Variants in ANAPC7 observed in about 807,000 individuals in gnomAD.
The protein encoded by ANAPC7 is anaphase-promoting complex subunit 7.
A neutral mutation model predicts 63.3 loss-of-function variants in ANAPC7; 25 were observed. The observed-to-expected ratio is 0.39, with a 90% CI of 0.29 to 0.55. ANAPC7 has a LOEUF of 0.55. ANAPC7 is among the 20% of genes least tolerant of loss of function. The pLI, the probability that ANAPC7 is intolerant of heterozygous loss-of-function variation, is 0.57. For synonymous variants in ANAPC7, 241 were observed against 251.7 expected, an observed-to-expected ratio of 0.96 and a Z score of 0.40; for missense variants, 516 against 691.7, an observed-to-expected ratio of 0.75 and a Z score of 2.85.
intron 2 of ANAPC7, 86 bp from the exon 3 acceptor site, chr12:110,395,306 G>T: frequency 7.5e-7 from 1 of 1,325,002 alleles, no homozygotes; most frequent in Non-Finnish European, 1.0e-6. Flanking sequence ...GTTATCATAT[G>T]ACCCAGCAAT....
chr12:110,387,383 CAGAGAGAGAGAGAGAG>C (rs1252832527), intron 5 of ANAPC7: 7 of 13,690 alleles, frequency 5.1e-4, no homozygotes, highest in Non-Finnish European at 6.4e-4. Context: ...GAGAGAGAGA[CAGAGAGAGAGAGAGAG>C]AGAGAGAGAG....
chr12:110,381,782 G>C lies in ANAPC7; in HGVS notation c.1102C>G (p.Leu368Val). Residue 368 changes from leucine to valine, a missense_variant, in exon 8 of 11, where the codon CTC (leucine) becomes GTC (valine). This residue lies in a region of ANAPC7 where 199 missense variants were observed against 249.3 expected (regional missense o/e 0.80). Transcript: ENST00000455511. ...TAACAATCTAAGCGACAAGGTGCGA[G>C]CCGTATGGCCTCCCGAAAGTGGATT... ...AIIHFREAIR[L>V]APCRLDCYEG... 11 of 1,613,772 alleles carry C rather than the reference G, an allele frequency of 6.8e-6. No individual in the cohort carries two copies. The highest frequency in any genetic ancestry group is 9.3e-6 in the Non-Finnish European group (11 of 1,180,020).
intron 5 of ANAPC7, 123 bp from the exon 6 acceptor site, chr12:110,386,592 TAAA>T (rs1882475939): frequency 5.2e-6 from 5 of 959,898 alleles, no homozygotes; most frequent in Middle Eastern, 3.4e-4. Context: ...TTCTTCGTAA[TAAA>T]AAACTTTAAG....
chr12:110,374,321 A>T lies in ANAPC7; in HGVS notation c.1521T>A (p.Asn507Lys). Residue 507 changes from asparagine to lysine, a missense_variant, in exon 11 of 11, where the codon AAT (asparagine) becomes AAA (lysine). Transcript: ENST00000455511. ...QYSIALSLDP[N>K]DQKSLEGMQK... ...GCATCCCCTCTAGAGACTTCTGGTC[A>T]TTGGGGTCCAAACTAGGGGACAACA... 1 of 1,613,930 alleles carries T rather than the reference A, an allele frequency of 6.2e-7. No homozygotes were observed. The highest frequency in any genetic ancestry group is 8.5e-7 in the Non-Finnish European group (1 of 1,179,936).
chr12:110,382,464 ATATAT>A (rs1882010144), intron 7 of ANAPC7, among the ~76,000 whole-genome samples: 2 of 80,646 alleles, frequency 2.5e-5, no homozygotes, highest in South Asian at 4.8e-4. Context: ...AAAAAAAAAT[ATATAT>A]ATATATATAT....
At position 110,374,189 on chromosome 12, in the gene ANAPC7, C is replaced by G; in HGVS notation, c.1653G>C (p.Glu551Asp). 1 of 1,613,794 alleles carries G rather than the reference C, an allele frequency of 6.2e-7. No individual in the cohort carries two copies. The highest frequency in any genetic ancestry group is 8.5e-7 in the Non-Finnish European group (1 of 1,180,026). Residue 551 changes from glutamate (E) to aspartate (D), a missense_variant, in exon 11 of 11, where the codon GAG (glutamate) becomes GAC (aspartate). Coordinates refer to ENST00000455511, the MANE Select transcript of ANAPC7 (RefSeq NM_016238.3). ...EEGDLEGSDS[E>D]AAQWADQEQW... ...GCTCCTGGTCAGCCCACTGGGCCGC[C>G]TCACTGTCGCTGCCCTCCAGGTCCC...
At chr12:110,392,477 T>A (rs906301806) in intron 3 of ANAPC7, among the ~76,000 whole-genome samples, 3 of 152,188 alleles carry the variant, frequency 2.0e-5, no homozygotes, top group Non-Finnish European at 4.4e-5. Context: ...AGATTTCGTA[T>A]CTTTTAAAGG....
chr12:110,380,393 C>T (rs192603745), intron 8 of ANAPC7, among the ~76,000 whole-genome samples: 2 of 151,032 alleles, frequency 1.3e-5, no homozygotes, highest in East Asian at 3.9e-4. Context: ...TGGCTCATGC[C>T]TGTAATCCCA....
Position 110,382,639 on chromosome 12 carries a change from G to C in ANAPC7, c.935+204C>G, listed in dbSNP as rs1430790294. On this transcript the variant is annotated intron_variant, in intron 7 of 10. Coordinates refer to ENST00000455511, the MANE Select transcript of ANAPC7 (RefSeq NM_016238.3). ...ACCTGGAGTGCAGTGGCACGATCTT[G>C]GCTCACTGCAACCTCTGCCTCCTGG... is the stretch of plus-strand genomic sequence containing the variant. Among the ~76,000 whole-genome samples the C allele has an allele frequency of 2.0e-5, 3 of 151,184 alleles. No individual in the cohort carries two copies. In the East Asian group the frequency reaches 5.8e-4, roughly 29 times the overall value.
At chr12:110,382,032 A>G (rs938444673) in intron 7 of ANAPC7, 84 bp from the exon 8 acceptor site, 3 of 1,289,954 alleles carry the variant, frequency 2.3e-6, no homozygotes, top group Non-Finnish European at 3.1e-6. Context: ...TCCAAAAATC[A>G]TATTGAAGGC....
intron 7 of ANAPC7, among the ~76,000 whole-genome samples, chr12:110,382,440 TTAAAAAAAA>T (rs1164820385): frequency 1.1e-3 from 29 of 26,758 alleles, no homozygotes; most frequent in African/African-American, 5.1e-3. Flanking sequence ...GATTATCCTT[TTAAAAAAAA>T]AAAAAAAAAA....
At chr12:110,393,804 T>G (rs2137974940) in intron 3 of ANAPC7, among the ~76,000 whole-genome samples, 2 of 146,840 alleles carry the variant, frequency 1.4e-5, no homozygotes, top group Admixed American at 1.4e-4. Context: ...GAGGCAGAGG[T>G]TGCAGTGAGC....
chr12:110,390,074 A>AT lies in ANAPC7; in HGVS notation c.409-1452dup, dbSNP rs1027414630. Among the ~76,000 whole-genome samples the AT allele has an allele frequency of 3.1e-3, 457 of 148,660 alleles. 1 individual carries two copies. The highest frequency in any genetic ancestry group is 4.8e-3 in the Non-Finnish European group (319 of 66,822). On this transcript the variant is annotated intron_variant, in intron 3 of 10. Coordinates refer to ENST00000455511, the MANE Select transcript of ANAPC7 (RefSeq NM_016238.3). ...ACACAATATTCCAATTTAAAATTAGATTTTTTTTTTTGAGACGGAGTTTCA... is the reference window on the plus strand; with the variant it reads ...ACACAATATTCCAATTTAAAATTAGATTTTTTTTTTTTGAGACGGAGTTTCA...
At chr12:110,400,770 G>C (rs147146618) in intron 1 of ANAPC7, among the ~76,000 whole-genome samples, 206 of 152,108 alleles carry the variant, frequency 1.4e-3, no homozygotes, top group African/African-American at 4.4e-3. Flanking sequence ...ATGAGGCTGG[G>C]CTCGGTGGCT....
rs201940515 is a variant in ANAPC7 at position 110,395,160 on chromosome 12, G to A, written c.349C>T (p.Gln117Ter). 2.5e-6 allele frequency: 4 copies of A among 1,613,628 alleles called. No individual in the cohort carries two copies. Among genetic ancestry groups the A allele is most frequent in the Non-Finnish European group, 3.4e-6 (4 of 1,179,668 alleles). Residue 117 changes from glutamine (Q) to a stop codon, truncating the protein, a stop_gained, in exon 3 of 11, where the codon CAA (glutamine) becomes TAA (stop). Transcript: ENST00000455511. LOFTEE classifies it high-confidence loss of function. The stretch of plus-strand genomic sequence containing the variant: ...AGTATAGCAATGGCATCTTTATCTT[G>A]TTTTAGCATTGTATAACATTCAGCC... ...KMAECYTMLKQDKDAIAILDG... is the reference protein window; with the variant it reads ...KMAECYTMLK
At chr12:110,384,052 A>G (rs1341431032) in intron 6 of ANAPC7, among the ~76,000 whole-genome samples, 1 of 150,866 alleles carries the variant, frequency 6.6e-6, no homozygotes, top group Non-Finnish European at 1.5e-5. Context: ...AATACAAAAA[A>G]TTAGCCAGGC....
At chr12:110,395,883 G>A (rs547321372) in intron 2 of ANAPC7, among the ~76,000 whole-genome samples, 12 of 152,238 alleles carry the variant, frequency 7.9e-5, no homozygotes, top group Admixed American at 7.9e-4. Context: ...CTAAATCAGC[G>A]GTCCCCAACC....
At position 110,381,763 on chromosome 12, in the gene ANAPC7, T is replaced by C; in HGVS notation, c.1121A>G (p.Asp374Gly). ...GTTTTCTTTCTTACCTTCATAACAA[T>C]CTAAGCGACAAGGTGCGAGCCGTAT... ...EAIRLAPCRL[D>G]CYEGLIECYL... is the part of the protein sequence containing the mutation. The change falls in exon 8 of 11, where the codon GAT becomes GGT. Residue 374 changes from aspartate (D) to glycine (G), a missense_variant. Asp to Gly is a moderately conservative substitution (Grantham distance 94). This residue lies in a region of ANAPC7 where 199 missense variants were observed against 249.3 expected (regional missense o/e 0.80). Coordinates refer to ENST00000455511, the MANE Select transcript of ANAPC7 (RefSeq NM_016238.3). 1.9e-6 allele frequency: 3 copies of C among 1,613,328 alleles called. No homozygotes were observed. Among genetic ancestry groups the C allele is most frequent in the Non-Finnish European group, 2.5e-6 (3 of 1,179,966 alleles).
chr12:110,385,065 A>T (rs1311383819), intron 6 of ANAPC7, among the ~76,000 whole-genome samples: 1 of 152,154 alleles, frequency 6.6e-6, no homozygotes, highest in Non-Finnish European at 1.5e-5. Context: ...GGAGTTGCAG[A>T]CCAGCCTGGC....
Sources: gnomAD v4.1 joint callset for allele counts (sites outside exome capture counted in the v4.1 genomes callset) on GRCh38, gnomAD v4.1.1 for gene constraint, gnomAD v4.1.1 regional missense constraint, MANE v1.5 for transcripts, NCBI Gene and HGNC (gene_info 2026-07-23, HGNC 2026-07-21) for gene names.